The following LARGE1 variants were observed in gnomAD, a reference collection of about 807,000 sequenced individuals.
The protein encoded by LARGE1 is xylosyl- and glucuronyltransferase LARGE1.
LARGE1 carries 43 observed loss-of-function variants against 87.6 expected under a neutral mutation model. The observed-to-expected ratio is 0.49, with a 90% CI of 0.38 to 0.63. LARGE1 has a LOEUF of 0.63. Ranked by LOEUF, LARGE1 falls within the 30% of genes least tolerant of loss-of-function variation. The pLI is 0.00. For synonymous variants in LARGE1, 434 were observed against 394.6 expected (o/e 1.10, Z -1.18); for missense variants, 802 against 1,000.2 (o/e 0.80, Z 2.67).
In LARGE1 at chr22:33,260,142, C is replaced by G. The variant is rs576465587; in HGVS notation, c.1730+44087G>C. Among the ~76,000 whole-genome samples the G allele has an allele frequency of 4.6e-5, 7 of 152,262 alleles. No individual in the cohort carries two copies. The South Asian group carries it at 8.3e-4, about 18-fold the overall frequency. On this transcript the variant is annotated intron_variant, in intron 11 of 11. Transcript: ENST00000608642. Reference sequence around the variant, plus strand: ...GCCTGTTTATCCTACCTCACCTGCTCCTTCCCACTGAAACCCCGCAAAGCC... The same window carrying G: ...GCCTGTTTATCCTACCTCACCTGCTGCTTCCCACTGAAACCCCGCAAAGCC...
intron 6 of LARGE1, among the ~76,000 whole-genome samples, chr22:33,445,073 G>A (rs897740853): frequency 5.3e-5 from 8 of 152,020 alleles, no homozygotes; most frequent in Admixed American, 1.3e-4. Context: ...CAGGTGATCC[G>A]CCCGCCACGG....
chr22:33,551,993 C>CA (rs10674621), intron 6 of LARGE1, among the ~76,000 whole-genome samples: 31,110 of 72,816 alleles, frequency 0.43, 7,237 homozygotes, highest in Admixed American at 0.49. Flanking sequence ...GGCTCCGTCT[C>CA]AAAAAAAAAA....
intron 9 of LARGE1, among the ~76,000 whole-genome samples, chr22:33,357,252 A>G (rs773734909): frequency 6.6e-6 from 1 of 152,224 alleles, no homozygotes; most frequent in Non-Finnish European, 1.5e-5. Flanking sequence ...ACTCAGAAAC[A>G]GAAAGCTAAA....
At chr22:33,375,104 A>G (rs2064948781) in intron 9 of LARGE1, among the ~76,000 whole-genome samples, 1 of 152,200 alleles carries the variant, frequency 6.6e-6, no homozygotes, top group Non-Finnish European at 1.5e-5. Context: ...CAGAACAAAA[A>G]TAAATTGCAT....
intron 6 of LARGE1, among the ~76,000 whole-genome samples, chr22:33,440,772 C>T (rs1316104923): frequency 3.3e-5 from 5 of 152,128 alleles, no homozygotes; most frequent in East Asian, 1.9e-4. Flanking sequence ...TAAACAACCC[C>T]GAATAGACTG....
At chr22:33,199,194 C>T (rs1285306155) in intron 11 of LARGE1, among the ~76,000 whole-genome samples, 2 of 115,538 alleles carry the variant, frequency 1.7e-5, no homozygotes, top group Non-Finnish European at 3.5e-5. Context: ...TTTTTAATAG[C>T]GCTGTTTGAG....
chr22:33,161,829 T>C (rs1329287679), downstream of LARGE1, among the ~76,000 whole-genome samples: 1 of 152,190 alleles, frequency 6.6e-6, no homozygotes, highest in East Asian at 1.9e-4. Context: ...GGACCAACCA[T>C]TCTGGGGTCT....
At chr22:33,433,387 G>C (rs2067150366) in intron 6 of LARGE1, among the ~76,000 whole-genome samples, 1 of 152,036 alleles carries the variant, frequency 6.6e-6, no homozygotes, top group African/African-American at 2.4e-5. Flanking sequence ...ATGAGGTCAG[G>C]AGATGGAGAC....
At chr22:33,743,702 T>C (rs1295271480) in intron 2 of LARGE1, among the ~76,000 whole-genome samples, 2 of 152,168 alleles carry the variant, frequency 1.3e-5, no homozygotes, top group Non-Finnish European at 2.9e-5. Flanking sequence ...CACAACTCTT[T>C]GAGGTAGTCA....
chr22:33,124,828 C>A, the LARGE1 span, among the ~76,000 whole-genome samples: 1 of 152,112 alleles, frequency 6.6e-6, no homozygotes, highest in Non-Finnish European at 1.5e-5. Context: ...ATAGCAAGAT[C>A]CTGTCCCTAC....
intron 7 of LARGE1, among the ~76,000 whole-genome samples, chr22:33,422,886 C>T (rs990265844): frequency 6.6e-6 from 1 of 152,130 alleles, no homozygotes; most frequent in Non-Finnish European, 1.5e-5. Flanking sequence ...CACTTCCCAC[C>T]AGGCCCCACC....
chr22:33,425,363 A>G (rs1384134868), intron 7 of LARGE1, among the ~76,000 whole-genome samples: 2 of 152,232 alleles, frequency 1.3e-5, no homozygotes, highest in African/African-American at 4.8e-5. Flanking sequence ...TGTGCAAACA[A>G]GAAAGTAAGT....
At chr22:33,087,888 C>T in the LARGE1 span, among the ~76,000 whole-genome samples, 2 of 152,126 alleles carry the variant, frequency 1.3e-5, no homozygotes, top group South Asian at 2.1e-4. Context: ...GAGCCCAGAT[C>T]GTGCCACTGT....
chr22:33,587,608 G>A (rs20301), intron 5 of LARGE1, among the ~76,000 whole-genome samples: 89,353 of 151,930 alleles, frequency 0.59, 26,794 homozygotes, highest in African/African-American at 0.72. Context: ...ATTACATGCT[G>A]TATCTGTTTC....
chr22:33,407,943 T>C (rs576332163), intron 7 of LARGE1, among the ~76,000 whole-genome samples: 1 of 152,134 alleles, frequency 6.6e-6, no homozygotes, highest in East Asian at 1.9e-4. Flanking sequence ...CATGTCATAG[T>C]AAAGTCTGCA....
chr22:33,430,269 G>C (rs940255346), intron 7 of LARGE1, among the ~76,000 whole-genome samples: 3 of 152,172 alleles, frequency 2.0e-5, no homozygotes, highest in African/African-American at 7.2e-5. Flanking sequence ...AGGATCAAAG[G>C]AGACTGACAA....
intron 11 of LARGE1, among the ~76,000 whole-genome samples, chr22:33,306,988 G>C (rs561559378): frequency 1.3e-5 from 2 of 152,138 alleles, no homozygotes; most frequent in Non-Finnish European, 2.9e-5. Context: ...CTCCACAAGC[G>C]AGACAGAATG....
the LARGE1 span, among the ~76,000 whole-genome samples, chr22:33,128,462 G>A: frequency 6.6e-6 from 1 of 152,096 alleles, no homozygotes; most frequent in Admixed American, 6.5e-5. Context: ...ATCACCTGAG[G>A]TCAGGAGTTC....
At chr22:33,377,857 A>T (rs1035419549) in intron 9 of LARGE1, among the ~76,000 whole-genome samples, 1 of 152,212 alleles carries the variant, frequency 6.6e-6, no homozygotes, top group Non-Finnish European at 1.5e-5. Context: ...ATATCCATTT[A>T]ATTTCAATAA....
Sources: allele counts gnomAD v4.1 joint callset (sites outside exome capture counted in the v4.1 genomes callset), GRCh38; gene constraint gnomAD v4.1.1; transcripts MANE v1.5; gene names NCBI Gene and HGNC (gene_info 2026-07-23, HGNC 2026-07-21).